Variants in CTNNA2 observed in about 807,000 individuals in gnomAD.
CTNNA2 encodes the protein catenin alpha-2.
Under a neutral mutation model 101.0 loss-of-function variants are expected in CTNNA2, and 42 were observed. That is an observed-to-expected ratio of 0.42 (90% confidence interval 0.32 to 0.54). CTNNA2 has a LOEUF of 0.54. Among genes scored for constraint, CTNNA2 ranks in the 20% least tolerant of loss-of-function variants. The pLI is 0.14. For synonymous variants in CTNNA2, 450 were observed against 456.4 expected, an observed-to-expected ratio of 0.99 and a Z score of 0.18; for missense variants, 871 against 1,223.1, an observed-to-expected ratio of 0.71 and a Z score of 4.29.
intron 7 of CTNNA2, among the ~76,000 whole-genome samples, chr2:80,045,660 A>T (rs893971649): frequency 6.6e-6 from 1 of 152,122 alleles, no homozygotes; most frequent in African/African-American, 2.4e-5. Flanking sequence ...TGAACTCCTG[A>T]TGCCATTTTT....
intron 11 of CTNNA2, among the ~76,000 whole-genome samples, chr2:80,547,145 C>T (rs1692147654): frequency 6.6e-6 from 1 of 152,134 alleles, no homozygotes; most frequent in African/African-American, 2.4e-5. Context: ...CCGGAAGAAA[C>T]ATAATAAATT....
intron 1 of CTNNA2, among the ~76,000 whole-genome samples, chr2:79,552,964 C>T (rs1378174871): frequency 6.6e-6 from 1 of 152,200 alleles, no homozygotes; most frequent in Non-Finnish European, 1.5e-5. Context: ...ACATTTGGCT[C>T]CTCTTTACAA....
intron 1 of CTNNA2, among the ~76,000 whole-genome samples, chr2:79,193,481 C>T (rs1191581010): frequency 3.9e-5 from 6 of 152,106 alleles, no homozygotes; most frequent in Non-Finnish European, 1.5e-5. Context: ...ATCATGTACC[C>T]AAAGTATGTA....
chr2:79,378,129 TATG>T (rs1383612665), intron 4 of CTNNA2, among the ~76,000 whole-genome samples: 3 of 152,104 alleles, frequency 2.0e-5, no homozygotes, highest in African/African-American at 7.2e-5. Flanking sequence ...TCCTACACAC[TATG>T]ATGACTATTG....
At chr2:79,863,072 T>C (rs1247205714) in intron 4 of CTNNA2, among the ~76,000 whole-genome samples, 3 of 152,114 alleles carry the variant, frequency 2.0e-5, no homozygotes, top group African/African-American at 4.8e-5. Flanking sequence ...CCAACCGTTT[T>C]GAAGGTTGCA....
intron 2 of CTNNA2, among the ~76,000 whole-genome samples, chr2:79,278,354 C>T (rs757066989): frequency 2.6e-5 from 4 of 151,938 alleles, no homozygotes; most frequent in South Asian, 2.1e-4. Flanking sequence ...GAAGAAGGAG[C>T]GAGCATGGTC....
intron 11 of CTNNA2, among the ~76,000 whole-genome samples, chr2:80,550,649 T>C (rs968576531): frequency 6.6e-6 from 1 of 152,228 alleles, no homozygotes; most frequent in Admixed American, 6.5e-5. Context: ...GAAGCCGCTT[T>C]GCTCATACAT....
intron 1 of CTNNA2, among the ~76,000 whole-genome samples, chr2:79,579,453 G>A (rs900628729): frequency 7.2e-5 from 11 of 152,058 alleles, no homozygotes; most frequent in Middle Eastern, 6.8e-3. Flanking sequence ...CTTCTCTATC[G>A]GTGGGACAGT....
intron 14 of CTNNA2, among the ~76,000 whole-genome samples, chr2:80,584,979 C>G (rs1410421571): frequency 6.6e-6 from 1 of 151,640 alleles, no homozygotes; most frequent in Admixed American, 6.6e-5. Flanking sequence ...TGGTAAGAAT[C>G]AAAGGACCCA....
Position 79,188,111 on chromosome 2 carries a change from G to A in CTNNA2, c.-524+2680G>A, listed in dbSNP as rs1017954348. On this transcript the variant is annotated intron_variant, in intron 1 of 21. Coordinates refer to the CTNNA2 transcript ENST00000466387. ...AGAGAAAAATGTTATGTAATTTTATGGATATATGTATATTATTTTCTATTA... is the reference window on the plus strand; with the variant it reads ...AGAGAAAAATGTTATGTAATTTTATAGATATATGTATATTATTTTCTATTA... Among the ~76,000 whole-genome samples the A allele has an allele frequency of 2.6e-5, 4 of 151,962 alleles. No individual in the cohort carries two copies. The South Asian group carries it at 8.3e-4, about 32-fold the overall frequency.
intron 7 of CTNNA2, among the ~76,000 whole-genome samples, chr2:80,062,425 C>T (rs916691379): frequency 3.3e-5 from 5 of 152,006 alleles, no homozygotes; most frequent in African/African-American, 1.2e-4. Flanking sequence ...TGCCTTTTTG[C>T]CCTGTGTTTG....
intron 7 of CTNNA2, among the ~76,000 whole-genome samples, chr2:79,990,524 T>C (rs6710179): frequency 0.04 from 6,036 of 152,272 alleles, 373 homozygotes; most frequent in African/African-American, 0.14. Context: ...AGCTGTGTGA[T>C]GTTTGGCAAA....
intron 7 of CTNNA2, among the ~76,000 whole-genome samples, chr2:80,239,780 C>T (rs1486977097): frequency 1.3e-5 from 2 of 151,924 alleles, no homozygotes; most frequent in Non-Finnish European, 2.9e-5. Flanking sequence ...GGCGTGATGG[C>T]ATGTGCCTGT....
chr2:79,625,311 G>C (rs938012471), intron 1 of CTNNA2, among the ~76,000 whole-genome samples: 1 of 152,064 alleles, frequency 6.6e-6, no homozygotes, highest in East Asian at 1.9e-4. Context: ...CTATAATTGA[G>C]AACTGGAAGA....
intron 2 of CTNNA2, among the ~76,000 whole-genome samples, chr2:79,666,263 T>C (rs1191147907): frequency 3.3e-5 from 5 of 152,178 alleles, no homozygotes; most frequent in African/African-American, 7.2e-5. Context: ...TTAAACATTA[T>C]AGAAAATCAA....
chr2:80,260,439 GATGGTTTGACTGAA>G lies in CTNNA2; in HGVS notation c.1057-132766_1057-132753del, dbSNP rs376321317. Among the ~76,000 whole-genome samples, 889 of 152,328 alleles carry G rather than the reference GATGGTTTGACTGAA, an allele frequency of 5.8e-3. 11 individuals are homozygous for G. Among genetic ancestry groups the G allele is most frequent in the African/African-American group, 0.02 (848 of 41,576 alleles). On this transcript the variant is annotated intron_variant, in intron 7 of 18. Transcript: ENST00000402739. ...CTCTGTCTTTGCCTGGAGGGTCTGG[GATGGTTTGACTGAA>G]ATGGTAAGATCCTTTCTAGTCCTAA...
chr2:79,874,053 G>A (rs965474531), intron 5 of CTNNA2, 23 bp from the exon 6 acceptor site: 6 of 1,611,502 alleles, frequency 3.7e-6, no homozygotes, highest in Non-Finnish European at 5.1e-6. Context: ...GTGTGTGACA[G>A]CTTTCATGTG....
chr2:79,596,528 G>A (rs1271453083), intron 1 of CTNNA2, among the ~76,000 whole-genome samples: 1 of 152,162 alleles, frequency 6.6e-6, no homozygotes, highest in African/African-American at 2.4e-5. Context: ...CCCAAGGAAT[G>A]ACCAGACAGC....
chr2:80,117,612 C>T (rs1701599976), intron 7 of CTNNA2, among the ~76,000 whole-genome samples: 1 of 152,064 alleles, frequency 6.6e-6, no homozygotes, highest in South Asian at 2.1e-4. Context: ...CATGCCCCAA[C>T]CCCCTGTGAA....
Sources: gnomAD v4.1 joint callset for allele counts (sites outside exome capture counted in the v4.1 genomes callset) on GRCh38, gnomAD v4.1.1 for gene constraint, MANE v1.5 for transcripts, NCBI Gene and HGNC (gene_info 2026-07-23, HGNC 2026-07-21) for gene names.